SLC25A24: variants seen among roughly 807,000 people sequenced by gnomAD.
SLC25A24 encodes the protein mitochondrial adenyl nucleotide antiporter SLC25A24.
In SLC25A24, 49 loss-of-function variants were observed where a neutral mutation model predicts 60.7. The observed-to-expected ratio is 0.81, with a 90% CI of 0.64 to 1.02. The LOEUF (loss-of-function observed/expected upper bound fraction) is 1.02. Ranked by LOEUF, SLC25A24 falls within the 50% of genes least tolerant of loss-of-function variation. SLC25A24 has a pLI of 0.00. For missense variants in SLC25A24, 564 were observed against 586.3 expected, an observed-to-expected ratio of 0.96 and a Z score of 0.39; for synonymous variants, 202 against 200.6, an observed-to-expected ratio of 1.01 and a Z score of -0.06.
At chr1:108,197,324 A>G (rs1648525848) in intron 1 of SLC25A24, among the ~76,000 whole-genome samples, 1 of 152,202 alleles carries the variant, frequency 6.6e-6, no homozygotes, top group Non-Finnish European at 1.5e-5. Context: ...TAAATGCTCA[A>G]TTCATTACAA....
rs77475333 is a variant in SLC25A24, at chr1:108,169,002, G to A, written c.399-7709C>T. ...CACGTTTAGGTTGGTGTTTGTGTAC[G>A]GTAAGAGGCAGGTATCCCAATTTCC... On this transcript the variant is annotated intron_variant, in intron 3 of 9. Transcript: ENST00000565488. Among the ~76,000 whole-genome samples, 125 of 152,238 alleles carry A rather than the reference G, an allele frequency of 8.2e-4. 2 individuals are homozygous for A. The East Asian group carries it at 0.021, about 25-fold the overall frequency.
rs1355243577 is a variant in SLC25A24, at chr1:108,164,489, A to C, written c.399-3196T>G. Among the ~76,000 whole-genome samples the C allele has an allele frequency of 4.6e-5, 7 of 152,256 alleles. No homozygotes were observed. In the South Asian group the frequency reaches 1.0e-3, roughly 23 times the overall value. ...TTCAGATCCTGTTATTGGTCTATTCAGAAATTCAACTTCTTCCTGGTTTAG... is the reference window on the plus strand; with the variant it reads ...TTCAGATCCTGTTATTGGTCTATTCCGAAATTCAACTTCTTCCTGGTTTAG... On this transcript the variant is annotated intron_variant, in intron 3 of 9. Coordinates refer to ENST00000565488, the MANE Select transcript of SLC25A24 (RefSeq NM_013386.5).
At position 108,143,622 on chromosome 1, in the gene SLC25A24, A is replaced by T; in HGVS notation, c.1019T>A (p.Leu340Ter). The part of the protein sequence containing the change: ...CAKKILKHEG[L>*]GAFYKGYVPN... ...AACATAGCCTTTGTAAAAAGCTCCC[A>T]AGCCTTCATGTTTCAAAATCTTCTT... Residue 340 changes from leucine to a stop codon, truncating the protein, a stop_gained, in exon 8 of 10, where the codon TTG (leucine) becomes TAG (stop). Coordinates refer to ENST00000565488, the MANE Select transcript of SLC25A24 (RefSeq NM_013386.5). LOFTEE classifies it high-confidence loss of function. 2 of 1,613,778 alleles carry T rather than the reference A, an allele frequency of 1.2e-6. No homozygotes were observed. Among genetic ancestry groups the T allele is most frequent in the Non-Finnish European group, 1.7e-6 (2 of 1,179,736 alleles).
intron 7 of SLC25A24, among the ~76,000 whole-genome samples, chr1:108,145,021 G>A (rs906633777): frequency 2.0e-5 from 3 of 152,170 alleles, no homozygotes; most frequent in Non-Finnish European, 4.4e-5. Context: ...CTTCCACAAT[G>A]CTTGAACTAA....
In SLC25A24 at chr1:108,192,466, C is replaced by T; in HGVS notation, c.184-6512G>A. ...TCTCCAGGGCTCCCAGCCCCAACGT[C>T]TCTCTGATTACAGCCCCAGTGAGAC... On this transcript the variant is annotated intron_variant, in intron 1 of 9. Transcript: ENST00000565488. The T allele has an allele frequency of 2.1e-6, 3 of 1,433,922 alleles. 1 individual carries two copies. The highest frequency in any genetic ancestry group is 2.8e-6 in the Non-Finnish European group (3 of 1,057,586). 88.8% of individuals were successfully genotyped at this position (1,433,922 alleles called of 1,614,324 possible).
At chr1:108,156,328 G>T (rs1679898993) in intron 5 of SLC25A24, among the ~76,000 whole-genome samples, 1 of 152,156 alleles carries the variant, frequency 6.6e-6, no homozygotes, top group Non-Finnish European at 1.5e-5. Context: ...CCTCAAATTT[G>T]CAGAAACTAA....
At chr1:108,148,992 C>T (rs746370956) in intron 6 of SLC25A24, among the ~76,000 whole-genome samples, 1 of 152,160 alleles carries the variant, frequency 6.6e-6, no homozygotes, top group Non-Finnish European at 1.5e-5. Context: ...CAGATTGGAC[C>T]AAGTTGCTCC....
At chr1:108,189,757 A>G (rs1648279538) in intron 1 of SLC25A24, among the ~76,000 whole-genome samples, 1 of 150,910 alleles carries the variant, frequency 6.6e-6, no homozygotes, top group Admixed American at 6.6e-5. Context: ...CAGAGGTTGC[A>G]GTGAACCAAG....
At chr1:108,147,734 C>T (rs1679642221) in intron 7 of SLC25A24, among the ~76,000 whole-genome samples, 1 of 151,824 alleles carries the variant, frequency 6.6e-6, no homozygotes. Flanking sequence ...TGGCAGCCAG[C>T]CTCTAAAGTG....
intron 4 of SLC25A24, among the ~76,000 whole-genome samples, chr1:108,160,332 A>T (rs1680032924): frequency 6.7e-6 from 1 of 148,642 alleles, no homozygotes; most frequent in South Asian, 2.1e-4. Flanking sequence ...GGCCGGGAAG[A>T]GGCGCTCCTC....
intron 3 of SLC25A24, among the ~76,000 whole-genome samples, chr1:108,177,479 T>C (rs1021226107): frequency 6.6e-6 from 1 of 152,166 alleles, no homozygotes; most frequent in African/African-American, 2.4e-5. Context: ...TCTGAGTGGA[T>C]TAAAAAAACT....
Position 108,136,655 on chromosome 1 carries a change from A to C in SLC25A24, c.1432T>G (p.Ter478GlyextTer25). The change falls in exon 10 of 10, where the codon TGA (stop) becomes GGA (glycine). Residue 478 changes from the stop codon to glycine, a stop_lost. Coordinates refer to ENST00000565488, the MANE Select transcript of SLC25A24 (RefSeq NM_013386.5). ...MKQTLGVTQK[*>G] ...AGGCTAAAGCAAAAAATGCAACATC[A>C]TTTCTGGGTTACTCCTAAAGTTTGC... 6.2e-7 allele frequency: 1 copy of C among 1,609,988 alleles called. No homozygotes were observed. The highest frequency in any genetic ancestry group is 8.5e-7 in the Non-Finnish European group (1 of 1,177,396).
intron 1 of SLC25A24, among the ~76,000 whole-genome samples, chr1:108,190,337 T>C (rs1648304728): frequency 6.6e-6 from 1 of 152,110 alleles, no homozygotes; most frequent in Non-Finnish European, 1.5e-5. Flanking sequence ...AGAAAAAAAT[T>C]AGGGGGGCTG....
chr1:108,139,479 C>T (rs576097588), intron 8 of SLC25A24, among the ~76,000 whole-genome samples: 151 of 152,298 alleles, frequency 9.9e-4, no homozygotes, highest in Non-Finnish European at 1.9e-3. Context: ...TAAAGAACAC[C>T]TCTTATGGTG....
intron 4 of SLC25A24, among the ~76,000 whole-genome samples, chr1:108,160,000 G>A (rs1229773697): frequency 6.6e-6 from 1 of 152,164 alleles, no homozygotes; most frequent in African/African-American, 2.4e-5. Flanking sequence ...CAGATGGGGT[G>A]GTGGCCGGGC....
intron 4 of SLC25A24, 38 bp downstream of exon 4, chr1:108,161,144 T>A (rs1463808285): frequency 1.8e-6 from 2 of 1,140,722 alleles, no homozygotes; most frequent in Non-Finnish European, 2.7e-6. Flanking sequence ...CTATGGTTTA[T>A]AGCTCCAAAT....
chr1:108,140,084 A>T (rs1297225541), intron 8 of SLC25A24, among the ~76,000 whole-genome samples: 2 of 152,184 alleles, frequency 1.3e-5, no homozygotes, highest in African/African-American at 4.8e-5. Context: ...TATAAAATAC[A>T]TGTTAATATG....
chr1:108,154,349 C>G (rs1315348353), intron 6 of SLC25A24, among the ~76,000 whole-genome samples: 1 of 152,126 alleles, frequency 6.6e-6, no homozygotes, highest in Non-Finnish European at 1.5e-5. Flanking sequence ...AACCCAAACT[C>G]TAAAACTTAC....
At chr1:108,139,627 G>A (rs1035321550) in intron 8 of SLC25A24, among the ~76,000 whole-genome samples, 3 of 152,086 alleles carry the variant, frequency 2.0e-5, no homozygotes, top group East Asian at 1.9e-4. Flanking sequence ...TCTCAGCGGA[G>A]TTTTTGTTTG....
Sources: gnomAD v4.1 joint callset for allele counts (sites outside exome capture counted in the v4.1 genomes callset) on GRCh38, gnomAD v4.1.1 for gene constraint, MANE v1.5 for transcripts, NCBI Gene and HGNC (gene_info 2026-07-23, HGNC 2026-07-21) for gene names.